The following DAW1 variants were observed in gnomAD, a reference collection of about 807,000 sequenced individuals.
The protein encoded by DAW1 is dynein assembly factor with WD repeats 1.
In DAW1, 47 loss-of-function variants were observed where a neutral mutation model predicts 56.5. That is an observed-to-expected ratio of 0.83 (90% confidence interval 0.66 to 1.06). The LOEUF is 1.06. Ranked by LOEUF, DAW1 falls within the 50% of genes least tolerant of loss-of-function variation. The pLI is 0.00. For missense variants in DAW1, 505 were observed against 499.3 expected (o/e 1.01, Z -0.11); for synonymous variants, 190 against 179.0 (o/e 1.06, Z -0.49).
At chr2:227,896,774 T>G (rs1691419862) in intron 5 of DAW1, among the ~76,000 whole-genome samples, 1 of 152,072 alleles carries the variant, frequency 6.6e-6, no homozygotes, top group Admixed American at 6.5e-5. Flanking sequence ...TGTGGTGTCA[T>G]GTGGATATAG....
chr2:227,921,013 C>A (rs1692093520), intron 11 of DAW1, among the ~76,000 whole-genome samples: 1 of 151,902 alleles, frequency 6.6e-6, no homozygotes. Flanking sequence ...AAGATGACAC[C>A]AGGGTTTGGC....
chr2:227,919,759 T>C (rs886653888), intron 11 of DAW1, among the ~76,000 whole-genome samples: 1 of 152,148 alleles, frequency 6.6e-6, no homozygotes, highest in African/African-American at 2.4e-5. Context: ...AGGCTAGGAT[T>C]GGTGGCTCTC....
At chr2:227,907,102 T>G (rs1355948254) in intron 9 of DAW1, 36 bp from the exon 10 acceptor site, 2 of 1,437,904 alleles carry the variant, frequency 1.4e-6, no homozygotes, top group South Asian at 2.4e-5. Flanking sequence ...AAAGTCATAG[T>G]CTTTTTTTTT....
Position 227,923,170 on chromosome 2 carries a change from T to G in DAW1, c.1214-764T>G, listed in dbSNP as rs745602833. Among the ~76,000 whole-genome samples the G allele has an allele frequency of 2.6e-5, 4 of 152,200 alleles. No individual in the cohort carries two copies. The East Asian group carries it at 5.8e-4, about 22-fold the overall frequency. On this transcript the variant is annotated intron_variant, in intron 12 of 12. Transcript: ENST00000309931. ...CATTGGCTCACTAGACAACAGAGCT[T>G]ATTAGATTGGGGTGACACTTTTCTC...
chr2:227,907,131 AT>A lies in DAW1; in HGVS notation c.859-5del. On this transcript the variant is annotated splice_region_variant and splice_polypyrimidine_tract_variant and intron_variant, in intron 9 of 12. Coordinates refer to ENST00000309931, the MANE Select transcript of DAW1 (RefSeq NM_178821.3). The stretch of plus-strand genomic sequence containing the variant: ...TTTTTTTTTGTTTTTTGTTCTTTTA[AT>A]TGTAGCTGTGGGATGCTACAAATGG... 1 of 1,584,998 alleles carries A rather than the reference AT, an allele frequency of 6.3e-7. No homozygotes were observed. The highest frequency in any genetic ancestry group is 8.6e-7 in the Non-Finnish European group (1 of 1,165,642).
chr2:227,891,374 C>A, intron 4 of DAW1, 61 bp downstream of exon 4: 1 of 1,410,248 alleles, frequency 7.1e-7, no homozygotes, highest in Non-Finnish European at 1.0e-6. Context: ...GTTTATTTAT[C>A]AAAGATTCCA....
At chr2:227,892,419 C>G (rs1574655144) in intron 4 of DAW1, among the ~76,000 whole-genome samples, 1 of 152,320 alleles carries the variant, frequency 6.6e-6, no homozygotes, top group East Asian at 1.9e-4. Flanking sequence ...CAGGCGTGAG[C>G]CACCACGCCC....
rs1012770488 is a variant in DAW1 at position 227,911,372 on chromosome 2, TTATA to T, written c.973+4126_973+4129del. On this transcript the variant is annotated intron_variant, in intron 10 of 12. Coordinates refer to ENST00000309931, the MANE Select transcript of DAW1 (RefSeq NM_178821.3). ...TGTGTATATATAAAATTATACATGA[TTATA>T]TATATTATATATATATTACATTCTG... Among the ~76,000 whole-genome samples the T allele has an allele frequency of 6.6e-5, 7 of 106,098 alleles. No homozygotes were observed. In the South Asian group the frequency reaches 1.7e-3, roughly 26 times the overall value. 69.6% of individuals were successfully genotyped at this position (106,098 alleles called of 152,430 possible).
At chr2:227,897,093 G>GAAA (rs200209188) in intron 5 of DAW1, among the ~76,000 whole-genome samples, 1 of 92,304 alleles carries the variant, frequency 1.1e-5, no homozygotes, top group Non-Finnish European at 2.3e-5. Flanking sequence ...CTCAAAAAAA[G>GAAA]AAAAAAAAAA....
At chr2:227,920,996 GACCAC>G (rs1422749518) in intron 11 of DAW1, among the ~76,000 whole-genome samples, 2 of 152,136 alleles carry the variant, frequency 1.3e-5, no homozygotes, top group African/African-American at 2.4e-5. Context: ...GTGTGCTTTT[GACCAC>G]AAAGATGACA....
At chr2:227,922,094 A>G (rs1297682937) in intron 12 of DAW1, among the ~76,000 whole-genome samples, 1 of 152,238 alleles carries the variant, frequency 6.6e-6, no homozygotes, top group Non-Finnish European at 1.5e-5. Flanking sequence ...TGGAGGCTTC[A>G]GTGAGCTATG....
At chr2:227,886,054 A>C (rs1273170537) in intron 2 of DAW1, among the ~76,000 whole-genome samples, 1 of 142,978 alleles carries the variant, frequency 7.0e-6, no homozygotes, top group Non-Finnish European at 1.5e-5. Flanking sequence ...GGCTCATTGC[A>C]TCCTCCGCCT....
Position 227,923,995 on chromosome 2 carries a change from C to T in DAW1, c.*27C>T. The T allele has an allele frequency of 6.2e-7, 1 of 1,613,452 alleles. No homozygotes were observed. The highest frequency in any genetic ancestry group is 8.5e-7 in the Non-Finnish European group (1 of 1,179,570). On this transcript the variant is annotated 3_prime_UTR_variant, in exon 13 of 13. Coordinates refer to ENST00000309931, the MANE Select transcript of DAW1 (RefSeq NM_178821.3). ...TGAAGGAAGCTGGTCAGTGAGCAAC[C>T]TTGCTAGCAATGGTAATCAAGAACT...
At chr2:227,894,707 A>G (rs1447697365) in intron 5 of DAW1, among the ~76,000 whole-genome samples, 3 of 152,214 alleles carry the variant, frequency 2.0e-5, no homozygotes, top group East Asian at 3.8e-4. Flanking sequence ...GTATTTTTAA[A>G]CCAACCTCTA....
Position 227,903,112 on chromosome 2 carries a change from A to G in DAW1, c.648+3A>G, listed in dbSNP as rs374910038. 2 of 1,611,944 alleles carry G rather than the reference A, an allele frequency of 1.2e-6. No homozygotes were observed. The highest frequency in any genetic ancestry group is 3.3e-5 in the Admixed American group (2 of 59,968). ...GCGAGGAAGTTTACACCTTAAGAGT[A>G]TGTCAATAATGTTAATAAGCCTGTT... On this transcript the variant is annotated splice_donor_region_variant and intron_variant, in intron 7 of 12. Coordinates refer to ENST00000309931, the MANE Select transcript of DAW1 (RefSeq NM_178821.3).
intron 4 of DAW1, among the ~76,000 whole-genome samples, chr2:227,892,087 A>G (rs1313417983): frequency 6.6e-6 from 1 of 151,836 alleles, no homozygotes; most frequent in Non-Finnish European, 1.5e-5. Context: ...ATAAGGATGT[A>G]TTGAACTAGG....
intron 1 of DAW1, among the ~76,000 whole-genome samples, chr2:227,882,798 ATTGT>A (rs778059224): frequency 6.6e-6 from 1 of 152,110 alleles, no homozygotes; most frequent in Non-Finnish European, 1.5e-5. Context: ...TGGTTTTATA[ATTGT>A]TTGGTAGTTC....
chr2:227,894,347 C>T (rs538335972), intron 5 of DAW1, among the ~76,000 whole-genome samples: 3 of 152,150 alleles, frequency 2.0e-5, no homozygotes, highest in Non-Finnish European at 4.4e-5. Context: ...ACCCAGGAGG[C>T]AGAGGTTGCA....
At chr2:227,915,129 T>C (rs1481721660) in intron 10 of DAW1, among the ~76,000 whole-genome samples, 3 of 152,124 alleles carry the variant, frequency 2.0e-5, no homozygotes, top group Admixed American at 2.0e-4. Context: ...ATTAAGTATG[T>C]GTTATGGTAT....
Sources: gnomAD v4.1 joint callset for allele counts (sites outside exome capture counted in the v4.1 genomes callset) on GRCh38, gnomAD v4.1.1 for gene constraint, MANE v1.5 for transcripts, NCBI Gene and HGNC (gene_info 2026-07-23, HGNC 2026-07-21) for gene names.